DMRT1: variants seen among roughly 807,000 people sequenced by gnomAD.
DMRT1 encodes doublesex- and mab-3-related transcription factor 1.
DMRT1 carries 7 observed loss-of-function variants against 32.3 expected under a neutral mutation model. That is an observed-to-expected ratio of 0.22 (90% CI 0.12 to 0.41). The LOEUF is 0.41. Among genes scored for constraint, DMRT1 ranks in the 10% least tolerant of loss-of-function variants. The pLI, the probability that DMRT1 is intolerant of heterozygous loss-of-function variation, is 1.00. For synonymous variants in DMRT1, 278 were observed against 206.1 expected (o/e 1.35, Z -2.99); for missense variants, 625 against 500.5 (o/e 1.25, Z -2.37).
rs540146404 is a variant in DMRT1, at chr9:928,461, T to C, written c.967+11554T>C. Among the ~76,000 whole-genome samples, 6 of 152,324 alleles carry C rather than the reference T, an allele frequency of 3.9e-5. No individual in the cohort carries two copies. The South Asian group carries it at 1.2e-3, about 32-fold the overall frequency. ...GAGGTCAACATAGCCTTCCCAGCCATACTCTCTGCCTCTTAGTTGCAGTGT... is the reference window on the plus strand; with the variant it reads ...GAGGTCAACATAGCCTTCCCAGCCACACTCTCTGCCTCTTAGTTGCAGTGT... On this transcript the variant is annotated intron_variant, in intron 4 of 4. Coordinates refer to ENST00000382276, the MANE Select transcript of DMRT1 (RefSeq NM_021951.3).
In DMRT1 at chr9:907,428, C is replaced by T. The variant is rs147223060; in HGVS notation, c.823-9335C>T. Among the ~76,000 whole-genome samples, 94 of 152,296 alleles carry T rather than the reference C, an allele frequency of 6.2e-4. 1 individual carries two copies. In the East Asian group the frequency reaches 0.016, roughly 26 times the overall value. On this transcript the variant is annotated intron_variant, in intron 3 of 4. Coordinates refer to ENST00000382276, the MANE Select transcript of DMRT1 (RefSeq NM_021951.3). ...TAGATTTCTCAAGATGAAGAAGGCG[C>T]TGAGCTAGTCCCAGCCAGACACTGG...
intron 3 of DMRT1, among the ~76,000 whole-genome samples, chr9:898,844 A>G (rs1454099420): frequency 6.6e-6 from 1 of 152,062 alleles, no homozygotes; most frequent in Non-Finnish European, 1.5e-5. Flanking sequence ...TTTTCTTTTT[A>G]GATTGTGATA....
intron 3 of DMRT1, among the ~76,000 whole-genome samples, chr9:896,441 G>C (rs928689923): frequency 1.3e-5 from 2 of 151,620 alleles, no homozygotes; most frequent in Admixed American, 1.3e-4. Flanking sequence ...ACCACTCCTC[G>C]CTAATCCAAC....
chr9:931,423 T>C (rs1443503776), intron 4 of DMRT1, among the ~76,000 whole-genome samples: 1 of 152,246 alleles, frequency 6.6e-6, no homozygotes, highest in Non-Finnish European at 1.5e-5. Flanking sequence ...CATATGGACA[T>C]TGAGCAGTCC....
chr9:864,542 A>C (rs1815879490), intron 2 of DMRT1, among the ~76,000 whole-genome samples: 1 of 126,216 alleles, frequency 7.9e-6, no homozygotes, highest in Admixed American at 1.0e-4. Context: ...TCTGTCGCCC[A>C]GGCTGGAGTG....
At chr9:945,782 G>C (rs1586651097) in intron 4 of DMRT1, among the ~76,000 whole-genome samples, 1 of 144,360 alleles carries the variant, frequency 6.9e-6, no homozygotes, top group Admixed American at 7.0e-5. Flanking sequence ...GCGTAATACA[G>C]TGTTATGGCC....
chr9:846,950 G>C lies in DMRT1; in HGVS notation c.355-10G>C, dbSNP rs751538161. The C allele has an allele frequency of 1.9e-6, 3 of 1,614,108 alleles. No homozygotes were observed. Among genetic ancestry groups the C allele is most frequent in the Non-Finnish European group, 2.5e-6 (3 of 1,180,058 alleles). On this transcript the variant is annotated splice_polypyrimidine_tract_variant and intron_variant, in intron 1 of 4. Transcript: ENST00000382276. ...GTGCTGGAGGATGACTCATTGTCGT[G>C]TGCTTCCAGGTGGCCCTGAGAAGGC...
At chr9:896,393 C>G (rs1030988500) in intron 3 of DMRT1, among the ~76,000 whole-genome samples, 3 of 151,052 alleles carry the variant, frequency 2.0e-5, no homozygotes, top group Non-Finnish European at 4.4e-5. Context: ...ATTCTCCTGC[C>G]TCAGCCTCCT....
intron 4 of DMRT1, among the ~76,000 whole-genome samples, chr9:919,721 G>T (rs1324773822): frequency 2.0e-5 from 3 of 152,176 alleles, no homozygotes; most frequent in Admixed American, 2.0e-4. Context: ...CTATAGGGAT[G>T]CAAGGGTGGA....
At chr9:966,216 A>G (rs1226447692) in intron 4 of DMRT1, among the ~76,000 whole-genome samples, 1 of 152,252 alleles carries the variant, frequency 6.6e-6, no homozygotes, top group Non-Finnish European at 1.5e-5. Context: ...ATACAAATTT[A>G]GTAAGATACT....
chr9:941,527 G>A (rs1018585659), intron 4 of DMRT1, among the ~76,000 whole-genome samples: 16 of 152,290 alleles, frequency 1.1e-4, no homozygotes, highest in Admixed American at 7.8e-4. Flanking sequence ...GTTGCTGGGT[G>A]TTGAGGGGAG....
At position 894,066 on chromosome 9, in the gene DMRT1, C is replaced by T. The variant is rs745925482; in HGVS notation, c.693C>T (p.Tyr231=). The change falls in exon 3 of 5, where the codon TAC becomes TAT. Residue 231 remains tyrosine (Y), a synonymous_variant. Coordinates refer to ENST00000382276, the MANE Select transcript of DMRT1 (RefSeq NM_021951.3). Reference sequence around the variant, plus strand: ...ACAATCTATACAACTGCCCGCAGTACTCCATGGCCTTGGCTGCTGATTCTG... The same window carrying T: ...ACAATCTATACAACTGCCCGCAGTATTCCATGGCCTTGGCTGCTGATTCTG... ...YYNNLYNCPQ[Y]SMALAADSAS... is the part of the protein sequence containing the mutation. 46 of 1,614,148 alleles carry T rather than the reference C, an allele frequency of 2.8e-5. No individual in the cohort carries two copies. Among genetic ancestry groups the T allele is most frequent in the African/African-American group, 1.3e-5 (1 of 74,944 alleles).
chr9:844,798 G>A (rs184986181), intron 1 of DMRT1, among the ~76,000 whole-genome samples: 60 of 147,454 alleles, frequency 4.1e-4, no homozygotes, highest in African/African-American at 1.4e-3. Flanking sequence ...TCAGCTCACG[G>A]CAACCTCCGC....
intron 2 of DMRT1, among the ~76,000 whole-genome samples, chr9:862,623 G>A (rs545784963): frequency 1.3e-5 from 2 of 152,150 alleles, no homozygotes; most frequent in African/African-American, 4.8e-5. Flanking sequence ...TGGGAAGGTC[G>A]TGCTGTTGTC....
At chr9:884,728 T>C (rs986245646) in intron 2 of DMRT1, among the ~76,000 whole-genome samples, 1 of 152,188 alleles carries the variant, frequency 6.6e-6, no homozygotes, top group African/African-American at 2.4e-5. Context: ...CCCAGCACTT[T>C]GGGAGGCCGA....
chr9:898,649 C>T (rs1027520932), intron 3 of DMRT1, among the ~76,000 whole-genome samples: 1 of 152,176 alleles, frequency 6.6e-6, no homozygotes, highest in Non-Finnish European at 1.5e-5. Context: ...TTGGAGAGCA[C>T]CTGTGCTGTT....
At chr9:845,927 T>C (rs1211340369) in intron 1 of DMRT1, among the ~76,000 whole-genome samples, 3 of 152,226 alleles carry the variant, frequency 2.0e-5, no homozygotes, top group Non-Finnish European at 4.4e-5. Flanking sequence ...TTTCTCTCTC[T>C]GACTTTCTTC....
At chr9:934,480 G>A (rs1301079969) in intron 4 of DMRT1, among the ~76,000 whole-genome samples, 1 of 152,146 alleles carries the variant, frequency 6.6e-6, no homozygotes, top group Non-Finnish European at 1.5e-5. Flanking sequence ...GCAGTGAGCT[G>A]TAATCACACC....
At chr9:913,464 C>T (rs1254680158) in intron 3 of DMRT1, among the ~76,000 whole-genome samples, 1 of 151,798 alleles carries the variant, frequency 6.6e-6, no homozygotes, top group Non-Finnish European at 1.5e-5. Flanking sequence ...GCAACAGACC[C>T]CTGAAAAAAA....
Sources: gnomAD v4.1 joint callset for allele counts (sites outside exome capture counted in the v4.1 genomes callset) on GRCh38, gnomAD v4.1.1 for gene constraint, MANE v1.5 for transcripts, NCBI Gene and HGNC (gene_info 2026-07-23, HGNC 2026-07-21) for gene names.